TGFB2: variants seen among roughly 807,000 people sequenced by gnomAD.
TGFB2 encodes transforming growth factor beta-2 proprotein.
Under a neutral mutation model 42.7 loss-of-function variants are expected in TGFB2, and 13 were observed. The ratio of observed to expected loss-of-function variants is 0.30; its 90% CI spans 0.20 to 0.48. TGFB2 has a LOEUF of 0.48. Among genes scored for constraint, TGFB2 ranks in the 20% least tolerant of loss-of-function variants. TGFB2 has a pLI of 0.99. For missense variants in TGFB2, 390 were observed against 517.5 expected (o/e 0.75, Z 2.39); for synonymous variants, 193 against 193.6 (o/e 1.00, Z 0.03).
chr1:218,375,656 A>G (rs1193810713), intron 1 of TGFB2, among the ~76,000 whole-genome samples: 1 of 152,204 alleles, frequency 6.6e-6, no homozygotes, highest in Non-Finnish European at 1.5e-5. Context: ...ATCTCATGTC[A>G]GCATACATTG....
intron 2 of TGFB2, among the ~76,000 whole-genome samples, chr1:218,417,945 G>T (rs933408003): frequency 6.6e-6 from 1 of 152,244 alleles, no homozygotes; most frequent in African/African-American, 2.4e-5. Context: ...GAAATGCCTG[G>T]ATGCCCAGGC....
At chr1:218,402,860 A>G (rs973197597) in intron 1 of TGFB2, among the ~76,000 whole-genome samples, 3 of 152,208 alleles carry the variant, frequency 2.0e-5, no homozygotes, top group Admixed American at 6.5e-5. Context: ...AGCCTGTGGA[A>G]GGTTTTGGCC....
intron 2 of TGFB2, among the ~76,000 whole-genome samples, chr1:218,417,347 C>T (rs971813952): frequency 6.6e-6 from 1 of 152,126 alleles, no homozygotes. Context: ...GCATTTTGCC[C>T]CTACCCTAGA....
At position 218,410,972 on chromosome 1, in the gene TGFB2, G is replaced by T. The variant is rs12064442; in HGVS notation, c.510+5640G>T. On this transcript the variant is annotated intron_variant, in intron 2 of 6. Transcript: ENST00000366930. ...GATAAATCCCCATTTTACACATGAA[G>T]AAATGCTTGGGGAACTTAATGACAT... Among the ~76,000 whole-genome samples the T allele has an allele frequency of 8.2e-3, 1,243 of 152,294 alleles. 13 individuals carry two copies. The highest frequency in any genetic ancestry group is 0.028 in the African/African-American group (1,156 of 41,560).
At chr1:218,379,189 G>A (rs553420214) in intron 1 of TGFB2, among the ~76,000 whole-genome samples, 3 of 148,316 alleles carry the variant, frequency 2.0e-5, no homozygotes, top group South Asian at 2.1e-4. Flanking sequence ...CTGGAGTGCA[G>A]TGGTGCGATC....
chr1:218,431,539 T>C (rs1425444343), intron 2 of TGFB2, among the ~76,000 whole-genome samples: 3 of 152,228 alleles, frequency 2.0e-5, no homozygotes, highest in South Asian at 2.1e-4. Flanking sequence ...ACATTTGACA[T>C]GTATATCATA....
At chr1:218,430,997 A>C (rs371225594) in intron 2 of TGFB2, among the ~76,000 whole-genome samples, 96 of 152,354 alleles carry the variant, frequency 6.3e-4, no homozygotes, top group African/African-American at 2.3e-3. Flanking sequence ...TCCTGTTTCC[A>C]CTAAGGACTG....
intron 1 of TGFB2, among the ~76,000 whole-genome samples, chr1:218,378,548 A>G (rs1002367644): frequency 5.9e-5 from 9 of 152,024 alleles, no homozygotes; most frequent in African/African-American, 2.2e-4. Flanking sequence ...TTCTGACCTC[A>G]AGTGCTCCTC....
chr1:218,414,124 C>T (rs1055562416), intron 2 of TGFB2, among the ~76,000 whole-genome samples: 9 of 152,088 alleles, frequency 5.9e-5, no homozygotes, highest in Non-Finnish European at 1.3e-4. Flanking sequence ...TTAAGGGATT[C>T]TGATGCTGCA....
chr1:218,434,018 T>G, intron 2 of TGFB2, 64 bp from the exon 3 acceptor site: 1 of 1,596,236 alleles, frequency 6.3e-7, no homozygotes, highest in Non-Finnish European at 8.6e-7. Context: ...TGTTAATAGT[T>G]TTGGTTTAGT....
intron 1 of TGFB2, among the ~76,000 whole-genome samples, chr1:218,404,260 G>A (rs868385424): frequency 3.9e-5 from 6 of 152,012 alleles, no homozygotes; most frequent in Non-Finnish European, 5.9e-5. Context: ...TTACAGGTGC[G>A]CGCCACCACG....
chr1:218,408,420 A>G (rs939414565), intron 2 of TGFB2, among the ~76,000 whole-genome samples: 2 of 152,208 alleles, frequency 1.3e-5, no homozygotes, highest in African/African-American at 2.4e-5. Context: ...GAACGGCCCA[A>G]GATGGAAGCT....
At chr1:218,413,661 G>T (rs968172196) in intron 2 of TGFB2, among the ~76,000 whole-genome samples, 1 of 152,142 alleles carries the variant, frequency 6.6e-6, no homozygotes, top group Non-Finnish European at 1.5e-5. Context: ...ACTTACTTTT[G>T]TTCATACGTA....
At chr1:218,419,848 T>A (rs1659397147) in intron 2 of TGFB2, among the ~76,000 whole-genome samples, 1 of 152,162 alleles carries the variant, frequency 6.6e-6, no homozygotes, top group Non-Finnish European at 1.5e-5. Flanking sequence ...GGTAAAAAAA[T>A]AAAATAAAAT....
intron 1 of TGFB2, among the ~76,000 whole-genome samples, chr1:218,365,523 G>A (rs544691521): frequency 6.6e-6 from 1 of 152,288 alleles, no homozygotes; most frequent in South Asian, 2.1e-4. Context: ...GGGTGTGGAA[G>A]GGGAGATGGG....
intron 1 of TGFB2, among the ~76,000 whole-genome samples, chr1:218,397,825 C>G (rs1000232465): frequency 6.6e-6 from 1 of 152,168 alleles, no homozygotes; most frequent in Admixed American, 6.5e-5. Context: ...GGGGGACTAG[C>G]TTGGACTTGA....
chr1:218,361,112 CA>C (rs1357876861), intron 1 of TGFB2, among the ~76,000 whole-genome samples: 1 of 152,206 alleles, frequency 6.6e-6, no homozygotes, highest in Non-Finnish European at 1.5e-5. Flanking sequence ...CTCGGCCTCC[CA>C]AAGTGTTGGG....
At chr1:218,414,628 T>C (rs959753826) in intron 2 of TGFB2, among the ~76,000 whole-genome samples, 1 of 152,178 alleles carries the variant, frequency 6.6e-6, no homozygotes, top group Non-Finnish European at 1.5e-5. Flanking sequence ...ACCATTTGCA[T>C]TAGGTTATAA....
At chr1:218,386,527 T>C (rs527591497) in intron 1 of TGFB2, among the ~76,000 whole-genome samples, 3 of 152,348 alleles carry the variant, frequency 2.0e-5, no homozygotes, top group East Asian at 3.9e-4. Flanking sequence ...ACTCCAAGAA[T>C]GGCTTTCTAA....
Sources: gnomAD v4.1 joint callset for allele counts (sites outside exome capture counted in the v4.1 genomes callset) on GRCh38, gnomAD v4.1.1 for gene constraint, MANE v1.5 for transcripts, NCBI Gene and HGNC (gene_info 2026-07-23, HGNC 2026-07-21) for gene names.